Variants in PTGER3 observed in about 807,000 individuals in gnomAD.
PTGER3 encodes prostaglandin E receptor 3, also known as prostaglandin E2 receptor EP3 subtype.
PTGER3 carries 22 observed loss-of-function variants against 34.7 expected under a neutral mutation model. The observed-to-expected ratio is 0.63, with a 90% CI of 0.45 to 0.91. PTGER3 has a LOEUF of 0.91. Among genes scored for constraint, PTGER3 ranks in the 40% least tolerant of loss-of-function variants. The pLI is 0.00. For missense variants in PTGER3, 468 were observed against 519.4 expected, an observed-to-expected ratio of 0.90 and a Z score of 0.96; for synonymous variants, 241 against 230.1, an observed-to-expected ratio of 1.05 and a Z score of -0.43.
chr1:70,917,569 C>T (rs754068236), intron 4 of PTGER3, among the ~76,000 whole-genome samples: 1 of 151,800 alleles, frequency 6.6e-6, no homozygotes, highest in Non-Finnish European at 1.5e-5. Flanking sequence ...TGGATATATA[C>T]CCAGTAAAGA....
In PTGER3 at chr1:71,008,528, A is replaced by T. The variant is rs1052098936; in HGVS notation, c.1077+3777T>A. Reference sequence around the variant, plus strand: ...TTAGTTTCCTTACAATACTGAACTGATGTCAGCTTCTTAACAAATATGTAT... The same window carrying T: ...TTAGTTTCCTTACAATACTGAACTGTTGTCAGCTTCTTAACAAATATGTAT... On this transcript the variant is annotated intron_variant, in intron 2 of 3. Coordinates refer to ENST00000306666, the MANE Select transcript of PTGER3 (RefSeq NM_198719.2). 3 of 952,520 alleles carry T rather than the reference A, an allele frequency of 3.1e-6. No individual in the cohort carries two copies. The African/African-American group carries it at 5.3e-5, about 17-fold the overall frequency. 59.0% of individuals were successfully genotyped at this position (952,520 alleles called of 1,614,324 possible).
At chr1:71,035,292 T>A (rs532303457) in intron 1 of PTGER3, among the ~76,000 whole-genome samples, 3 of 152,226 alleles carry the variant, frequency 2.0e-5, no homozygotes, top group Non-Finnish European at 4.4e-5. Flanking sequence ...AATCTACTTA[T>A]GTGTTTCTCC....
At chr1:71,009,117 T>C in intron 2 of PTGER3, 2 of 985,032 alleles carry the variant, frequency 2.0e-6, no homozygotes, top group Non-Finnish European at 2.4e-6. Context: ...ATAAAAAGCG[T>C]TGAATAAATA....
chr1:70,859,859 A>G (rs1299937257), intron 4 of PTGER3, among the ~76,000 whole-genome samples: 1 of 152,204 alleles, frequency 6.6e-6, no homozygotes, highest in African/African-American at 2.4e-5. Context: ...TTAAATCTGT[A>G]TCGGTTTGAC....
intron 4 of PTGER3, among the ~76,000 whole-genome samples, chr1:70,944,210 G>A (rs746069726): frequency 8.6e-5 from 13 of 152,046 alleles, no homozygotes; most frequent in Non-Finnish European, 1.8e-4. Context: ...GTCAAGCCTA[G>A]TACAAGGTAA....
At chr1:70,980,841 T>C (rs1654186855) in intron 2 of PTGER3, among the ~76,000 whole-genome samples, 1 of 152,106 alleles carries the variant, frequency 6.6e-6, no homozygotes, top group Non-Finnish European at 1.5e-5. Flanking sequence ...ACAGGTCGCC[T>C]ATTTTGTGCA....
chr1:70,996,630 T>G (rs1655972750), intron 2 of PTGER3, among the ~76,000 whole-genome samples: 1 of 117,720 alleles, frequency 8.5e-6, no homozygotes, highest in Non-Finnish European at 1.7e-5. Flanking sequence ...CCGGCTAATT[T>G]TTTTGTATTT....
At chr1:70,883,663 C>T (rs1329092545) in intron 4 of PTGER3, among the ~76,000 whole-genome samples, 1 of 152,112 alleles carries the variant, frequency 6.6e-6, no homozygotes, top group Non-Finnish European at 1.5e-5. Context: ...TTAAATAATT[C>T]TAGTAACTAA....
chr1:70,950,140 A>G, downstream of PTGER3, among the ~76,000 whole-genome samples: 1 of 152,150 alleles, frequency 6.6e-6, no homozygotes, highest in Non-Finnish European at 1.5e-5. Context: ...AGCTCCATGG[A>G]TTAACTTTCA....
At chr1:70,902,994 G>T (rs997572260) in intron 4 of PTGER3, among the ~76,000 whole-genome samples, 10 of 152,210 alleles carry the variant, frequency 6.6e-5, no homozygotes, top group Non-Finnish European at 1.2e-4. Flanking sequence ...TAATAGTTAA[G>T]ATCTTGAGAT....
chr1:70,855,904 G>A (rs1260704201), intron 4 of PTGER3, among the ~76,000 whole-genome samples: 1 of 152,172 alleles, frequency 6.6e-6, no homozygotes, highest in Admixed American at 6.5e-5. Flanking sequence ...TACTGGGGAA[G>A]TGGGGTCAGT....
At chr1:71,034,309 C>A (rs1166349243) in intron 1 of PTGER3, among the ~76,000 whole-genome samples, 1 of 152,174 alleles carries the variant, frequency 6.6e-6, no homozygotes, top group East Asian at 1.9e-4. Context: ...TTCCTTTTGT[C>A]ATTTATTGAT....
downstream of PTGER3, chr1:70,950,780 C>T (rs1427995982): frequency 1.3e-5 from 2 of 152,124 alleles, no homozygotes; most frequent in Non-Finnish European, 2.9e-5. Context: ...CTCACTGCAA[C>T]CTCCACCTTC....
chr1:70,955,890 T>C (rs948788648), intron 2 of PTGER3, among the ~76,000 whole-genome samples: 7 of 152,148 alleles, frequency 4.6e-5, no homozygotes, highest in Admixed American at 4.6e-4. Flanking sequence ...TGGACAACTG[T>C]CCAGATTCCA....
In PTGER3 at chr1:70,964,332, C is replaced by G. The variant is rs561116838; in HGVS notation, c.1078-10543G>C. 1.2e-4 allele frequency among the ~76,000 whole-genome samples: 19 copies of G among 152,294 alleles called. No individual in the cohort carries two copies. In the South Asian group the frequency reaches 2.1e-3, roughly 17 times the overall value. On this transcript the variant is annotated intron_variant, in intron 2 of 3. Coordinates refer to the PTGER3 transcript ENST00000356595. ...CTCAGGTGCCCTTTATAGCAACACT[C>G]AATTTACTGTATCAGTCTGTTTCCA...
intron 4 of PTGER3, among the ~76,000 whole-genome samples, chr1:70,888,027 G>A (rs1646534840): frequency 6.6e-6 from 1 of 152,168 alleles, no homozygotes; most frequent in Non-Finnish European, 1.5e-5. Flanking sequence ...TGGTGTTAAA[G>A]CATGCAAAGC....
intron 1 of PTGER3, among the ~76,000 whole-genome samples, chr1:71,028,851 A>G (rs1024020127): frequency 6.6e-6 from 1 of 152,230 alleles, no homozygotes; most frequent in African/African-American, 2.4e-5. Context: ...AAAGTAAAGA[A>G]TAAAGAAAAA....
At chr1:70,962,266 T>A (rs1453992681) in intron 2 of PTGER3, among the ~76,000 whole-genome samples, 1 of 152,164 alleles carries the variant, frequency 6.6e-6, no homozygotes, top group Non-Finnish European at 1.5e-5. Flanking sequence ...AATTTGTTAT[T>A]TTTCCTGGAG....
intron 4 of PTGER3, among the ~76,000 whole-genome samples, chr1:70,874,949 G>A (rs1646243505): frequency 6.6e-6 from 1 of 151,958 alleles, no homozygotes; most frequent in South Asian, 2.1e-4. Context: ...CTCTCCTTTG[G>A]GTTTTCTATT....
Sources: allele counts gnomAD v4.1 joint callset (sites outside exome capture counted in the v4.1 genomes callset), GRCh38; gene constraint gnomAD v4.1.1; transcripts MANE v1.5; gene names NCBI Gene and HGNC (gene_info 2026-07-23, HGNC 2026-07-21).